ZBTB20: variants seen among roughly 807,000 people sequenced by gnomAD.
ZBTB20 encodes zinc finger and BTB domain containing 20, also known as zinc finger and BTB domain-containing protein 20.
In ZBTB20, 9 loss-of-function variants were observed where a neutral mutation model predicts 56.9. The ratio of observed to expected loss-of-function variants is 0.16; its 90% CI spans 0.10 to 0.28. The LOEUF is 0.28. Ranked by LOEUF, ZBTB20 falls within the 10% of genes least tolerant of loss-of-function variation. The pLI is 1.00. For missense variants in ZBTB20, 655 were observed against 1,003.0 expected (o/e 0.65, Z 4.69); for synonymous variants, 417 against 420.7 (o/e 0.99, Z 0.11).
At chr3:114,380,542 A>T in intron 9 of ZBTB20, 138 bp from the exon 10 acceptor site, 1 of 1,253,846 alleles carries the variant, frequency 8.0e-7, no homozygotes, top group Non-Finnish European at 1.1e-6. Context: ...CTTGTTTTAA[A>T]ACAAGCTGAT....
At chr3:114,787,129 C>CA (rs1222818460) in intron 5 of ZBTB20, among the ~76,000 whole-genome samples, 1 of 151,666 alleles carries the variant, frequency 6.6e-6, no homozygotes, top group Non-Finnish European at 1.5e-5. Context: ...TGCACATCAC[C>CA]ATGCCTAGTC....
At chr3:114,445,323 G>GCACC (rs1461731433) in intron 7 of ZBTB20, among the ~76,000 whole-genome samples, 2 of 152,024 alleles carry the variant, frequency 1.3e-5, no homozygotes, top group Non-Finnish European at 2.9e-5. Context: ...TGTTAATTTT[G>GCACC]CACCCAGCTA....
intron 3 of ZBTB20, among the ~76,000 whole-genome samples, chr3:114,949,625 G>A (rs1261030149): frequency 6.9e-6 from 1 of 145,180 alleles, no homozygotes; most frequent in Non-Finnish European, 1.5e-5. Context: ...AAAATTAACT[G>A]GGCATGGTGG....
At chr3:114,997,787 C>T (rs1016545089) in intron 2 of ZBTB20, among the ~76,000 whole-genome samples, 2 of 151,736 alleles carry the variant, frequency 1.3e-5, no homozygotes, top group East Asian at 3.9e-4. Flanking sequence ...ATACCACTAG[C>T]TAGTCCCACC....
intron 7 of ZBTB20, among the ~76,000 whole-genome samples, chr3:114,479,582 T>C (rs2041291564): frequency 6.6e-6 from 1 of 152,204 alleles, no homozygotes; most frequent in South Asian, 2.1e-4. Flanking sequence ...GTCCAACCTA[T>C]TTTCTTTTTT....
chr3:115,136,648 A>G (rs1180126205), intron 1 of ZBTB20, among the ~76,000 whole-genome samples: 3 of 152,130 alleles, frequency 2.0e-5, no homozygotes, highest in African/African-American at 7.2e-5. Flanking sequence ...AGAGTAATGC[A>G]TACCCCAAAT....
At chr3:114,984,849 A>G (rs1335542462) in intron 2 of ZBTB20, among the ~76,000 whole-genome samples, 2 of 151,948 alleles carry the variant, frequency 1.3e-5, no homozygotes, top group Non-Finnish European at 2.9e-5. Flanking sequence ...ACATCCCTAC[A>G]CACCAACTGT....
At chr3:114,407,915 G>A (rs917393971) in intron 7 of ZBTB20, among the ~76,000 whole-genome samples, 1 of 151,638 alleles carries the variant, frequency 6.6e-6, no homozygotes, top group Non-Finnish European at 1.5e-5. Flanking sequence ...TATATGAGGG[G>A]GGGGAAACAT....
At chr3:114,997,583 G>C (rs2079078285) in intron 2 of ZBTB20, among the ~76,000 whole-genome samples, 1 of 151,532 alleles carries the variant, frequency 6.6e-6, no homozygotes, top group Admixed American at 6.6e-5. Flanking sequence ...AAATAGTGAA[G>C]GGCTTGAACA....
At chr3:114,902,675 A>G (rs2075167780) in intron 3 of ZBTB20, among the ~76,000 whole-genome samples, 1 of 152,190 alleles carries the variant, frequency 6.6e-6, no homozygotes, top group African/African-American at 2.4e-5. Context: ...ATAGGAGATT[A>G]AGTATGAAGG....
At chr3:114,694,713 G>A (rs1354764025) in intron 5 of ZBTB20, among the ~76,000 whole-genome samples, 2 of 151,956 alleles carry the variant, frequency 1.3e-5, no homozygotes. Flanking sequence ...TAACACATTT[G>A]CATATGAAAC....
intron 2 of ZBTB20, among the ~76,000 whole-genome samples, chr3:115,003,069 C>T (rs113503130): frequency 4.0e-5 from 6 of 151,604 alleles, no homozygotes; most frequent in East Asian, 3.9e-4. Flanking sequence ...AGCTATATCC[C>T]GTATGATTCC....
chr3:114,947,691 A>G (rs2076929496), intron 3 of ZBTB20, among the ~76,000 whole-genome samples: 1 of 145,790 alleles, frequency 6.9e-6, no homozygotes, highest in East Asian at 1.9e-4. Context: ...AAATTATTTA[A>G]TGGGTACTAT....
Position 114,948,017 on chromosome 3 carries a change from T to C in ZBTB20, c.-456+26349A>G, listed in dbSNP as rs1380405298. Reference sequence around the variant, plus strand: ...ACAAGAACATTAAGAGAAGGTAAAATTACAAGCTAATCTCTCTTTTGAATG... The same window carrying C: ...ACAAGAACATTAAGAGAAGGTAAAACTACAAGCTAATCTCTCTTTTGAATG... On this transcript the variant is annotated intron_variant, in intron 3 of 11. Coordinates refer to ENST00000675478, the MANE Select transcript of ZBTB20 (RefSeq NM_001348800.3). 4.8e-5 allele frequency among the ~76,000 whole-genome samples: 7 copies of C among 145,380 alleles called. 1 individual carries two copies. The highest frequency in any genetic ancestry group is 4.6e-4 in the Admixed American group (7 of 15,086).
chr3:114,471,990 T>C (rs2040184358), intron 7 of ZBTB20, among the ~76,000 whole-genome samples: 1 of 152,086 alleles, frequency 6.6e-6, no homozygotes, highest in Admixed American at 6.6e-5. Flanking sequence ...GGGATGATAG[T>C]GACACAAGCA....
At chr3:114,508,167 A>G (rs1021463643) in intron 6 of ZBTB20, among the ~76,000 whole-genome samples, 1 of 152,184 alleles carries the variant, frequency 6.6e-6, no homozygotes, top group African/African-American at 2.4e-5. Flanking sequence ...ATCTTCAAAG[A>G]CAACAGGAGA....
intron 2 of ZBTB20, among the ~76,000 whole-genome samples, chr3:115,069,244 C>G (rs1488949465): frequency 1.3e-5 from 2 of 152,170 alleles, no homozygotes; most frequent in Non-Finnish European, 2.9e-5. Flanking sequence ...CAGTGTTCTA[C>G]TACCACACAA....
intron 5 of ZBTB20, 32 bp downstream of exon 5, chr3:114,801,067 AAC>A (rs2071672030): frequency 6.6e-6 from 1 of 152,142 alleles, no homozygotes; most frequent in Non-Finnish European, 1.5e-5. Context: ...TGGTCACAGA[AAC>A]ACAGAAGAAG....
At position 114,548,711 on chromosome 3, in the gene ZBTB20, G is replaced by T. The variant is rs189085886; in HGVS notation, c.-294-48320C>A. Among the ~76,000 whole-genome samples the T allele has an allele frequency of 5.1e-3, 776 of 151,976 alleles. 4 individuals carry two copies. Among genetic ancestry groups the T allele is most frequent in the Non-Finnish European group, 8.1e-3 (551 of 67,958 alleles). The stretch of plus-strand genomic sequence containing the variant: ...TTTTTGTATTTTTAGTAGAGACGGG[G>T]TTTCGCCATATTGGCCAGGCTGGTC... On this transcript the variant is annotated intron_variant, in intron 6 of 11. Coordinates refer to ENST00000675478, the MANE Select transcript of ZBTB20 (RefSeq NM_001348800.3).
Sources: allele counts gnomAD v4.1 joint callset (sites outside exome capture counted in the v4.1 genomes callset), GRCh38; gene constraint gnomAD v4.1.1; transcripts MANE v1.5; gene names NCBI Gene and HGNC (gene_info 2026-07-23, HGNC 2026-07-21).